Variants in TMED8 observed in about 807,000 individuals in gnomAD.
TMED8 encodes the protein transmembrane p24 trafficking protein family member 8, also known as protein TMED8.
In TMED8, 15 loss-of-function variants were observed where a neutral mutation model predicts 32.7. The ratio of observed to expected loss-of-function variants is 0.46; its 90% CI spans 0.31 to 0.71. The LOEUF (loss-of-function observed/expected upper bound fraction) is 0.71. TMED8 is among the 30% of genes least tolerant of loss of function. TMED8 has a pLI of 0.06. For synonymous variants in TMED8, 147 were observed against 161.4 expected (o/e 0.91, Z 0.68); for missense variants, 390 against 423.9 (o/e 0.92, Z 0.70).
intron 1 of TMED8, among the ~76,000 whole-genome samples, chr14:77,370,661 T>C (rs1406816106): frequency 1.3e-5 from 2 of 152,144 alleles, no homozygotes; most frequent in African/African-American, 2.4e-5. Context: ...TTTCCTCCCA[T>C]GTCAGTCCCT....
At chr14:77,354,857 G>A (rs1003035989) in intron 1 of TMED8, among the ~76,000 whole-genome samples, 1 of 152,066 alleles carries the variant, frequency 6.6e-6, no homozygotes, top group Non-Finnish European at 1.5e-5. Context: ...GGGAGGCTGA[G>A]GCAGGAGAAT....
At chr14:77,352,125 C>A (rs546195125) in intron 1 of TMED8, among the ~76,000 whole-genome samples, 1 of 151,614 alleles carries the variant, frequency 6.6e-6, no homozygotes, top group Admixed American at 6.6e-5. Flanking sequence ...CAGAGCAAGA[C>A]CCTGTCTCTA....
intron 1 of TMED8, among the ~76,000 whole-genome samples, chr14:77,364,559 A>G (rs2139630478): frequency 6.7e-6 from 1 of 150,178 alleles, no homozygotes; most frequent in East Asian, 2.0e-4. Context: ...ATGGAGTCTC[A>G]CTGTGTTGCC....
At position 77,364,524 on chromosome 14, in the gene TMED8, C is replaced by T. The variant is rs1893507465; in HGVS notation, c.118+12412G>A. On this transcript the variant is annotated intron_variant, in intron 1 of 5. Transcript: ENST00000216468. ...CCATCCATAGTGTTAGGATTACAGG[C>T]ATGAGCCATGATATTTTTTTTAAGA... 2.0e-5 allele frequency among the ~76,000 whole-genome samples: 3 copies of T among 151,968 alleles called. No individual in the cohort carries two copies. In the South Asian group the frequency reaches 6.2e-4, roughly 32 times the overall value.
intron 1 of TMED8, among the ~76,000 whole-genome samples, chr14:77,370,420 G>C (rs1257328623): frequency 6.6e-6 from 1 of 152,092 alleles, no homozygotes; most frequent in African/African-American, 2.4e-5. Context: ...TTCACTGAGA[G>C]AAAAAGGTCT....
At chr14:77,361,268 C>T (rs1893427838) in intron 1 of TMED8, among the ~76,000 whole-genome samples, 1 of 152,148 alleles carries the variant, frequency 6.6e-6, no homozygotes. Flanking sequence ...AGGCATGAGC[C>T]ACCACGCCCG....
intron 2 of TMED8, among the ~76,000 whole-genome samples, 182 bp downstream of exon 2, chr14:77,351,491 G>A (rs1447170871): frequency 7.7e-6 from 1 of 130,080 alleles, no homozygotes; most frequent in Non-Finnish European, 1.6e-5. Flanking sequence ...TCGATCTCCT[G>A]ACCTCGTGAT....
chr14:77,343,768 T>C lies in TMED8; in HGVS notation c.383A>G (p.Glu128Gly). The change falls in exon 4 of 6, where the codon GAA becomes GGA. Residue 128 changes from glutamate (E) to glycine (G), a missense_variant. Transcript: ENST00000216468. Reference protein sequence around the residue: ...RSGDIVMIQSEHTGAIDVLSA... With the variant: ...RSGDIVMIQSGHTGAIDVLSA... ...AAGAACATCTATAGCTCCTGTATGT[T>C]CAGACTGGATCATAACGATGTCCCC... 1 of 1,614,202 alleles carries C rather than the reference T, an allele frequency of 6.2e-7. No individual in the cohort carries two copies. Among genetic ancestry groups the C allele is most frequent in the Non-Finnish European group, 8.5e-7 (1 of 1,180,028 alleles).
At position 77,360,168 on chromosome 14, in the gene TMED8, T is replaced by C. The variant is rs189271027; in HGVS notation, c.119-8417A>G. Among the ~76,000 whole-genome samples, 702 of 152,340 alleles carry C rather than the reference T, an allele frequency of 4.6e-3. 6 individuals carry two copies. The highest frequency in any genetic ancestry group is 0.016 in the African/African-American group (679 of 41,578). On this transcript the variant is annotated intron_variant, in intron 1 of 5. Coordinates refer to ENST00000216468, the MANE Select transcript of TMED8 (RefSeq NM_213601.3). ...TCTTTTTGTGATGTTGAACATCTTTTTATATACCTGTTGGCCATTGTATGT... is the reference window on the plus strand; with the variant it reads ...TCTTTTTGTGATGTTGAACATCTTTCTATATACCTGTTGGCCATTGTATGT...
In TMED8 at chr14:77,340,392, AT is replaced by A. The variant is rs777878045; in HGVS notation, c.*1378del. The A allele has an allele frequency of 9.2e-5, 14 of 151,720 alleles. No individual in the cohort carries two copies. The highest frequency in any genetic ancestry group is 1.9e-4 in the East Asian group (1 of 5,204). The allele number at this position is 151,720 out of a possible 1,614,324, so 9.4% of individuals were successfully genotyped here. The stretch of plus-strand genomic sequence containing the variant: ...AGGCAAAATGAAATGTGCTAAAAAA[AT>A]AAATACAGTAATAAATAAATCTAAT... On this transcript the variant is annotated 3_prime_UTR_variant, in exon 6 of 6. Transcript: ENST00000216468.
In TMED8 at chr14:77,376,072, TC is replaced by T. The variant is rs1442067508; in HGVS notation, c.118+863del. On this transcript the variant is annotated intron_variant, in intron 1 of 5. Coordinates refer to ENST00000216468, the MANE Select transcript of TMED8 (RefSeq NM_213601.3). This position sits in a 1 kb window ranked among gnomAD's most constrained non-coding sequence, Gnocchi z 4.0. ...TGCTACTTAAATAAGACAAGTTCTC[TC>T]CCCTCTACCCTTTCGTATTTCAAAA... Among the ~76,000 whole-genome samples, 1 of 152,214 alleles carries T rather than the reference TC, an allele frequency of 6.6e-6. No individual in the cohort carries two copies. The highest frequency in any genetic ancestry group is 2.4e-5 in the African/African-American group (1 of 41,446).
intron 2 of TMED8, 112 bp from the exon 3 acceptor site, chr14:77,346,590 CT>C: frequency 1.4e-6 from 2 of 1,394,054 alleles, no homozygotes; most frequent in East Asian, 4.6e-5. Context: ...CCACCTGCCC[CT>C]GGCATTTATT....
rs1471767955 is a variant in TMED8, at chr14:77,339,795, C to G, written c.*1976G>C. The G allele has an allele frequency of 6.6e-6, 1 of 152,178 alleles. No homozygotes were observed. Among genetic ancestry groups the G allele is most frequent in the African/African-American group, 2.4e-5 (1 of 41,438 alleles). The allele number at this position is 152,178 out of a possible 1,614,324, so 9.4% of individuals were successfully genotyped here. A position where few individuals can be genotyped will look rare whatever the true frequency, so the allele number is the denominator to read the frequency against. ...AAAATAATGGAGGTATGATGCTGCT[C>G]AGAGAATGGGAATGCTCTGGCAGTC... On this transcript the variant is annotated 3_prime_UTR_variant, in exon 6 of 6. Transcript: ENST00000216468.
chr14:77,364,450 G>A (rs937461953), intron 1 of TMED8, among the ~76,000 whole-genome samples: 6 of 152,128 alleles, frequency 3.9e-5, no homozygotes, highest in South Asian at 2.1e-4. Context: ...TCCCTATGAC[G>A]CCCAGGCTGG....
In TMED8 at chr14:77,338,644, AAACTG is replaced by A. The variant is rs1450404855; in HGVS notation, c.*3122_*3126del. On this transcript the variant is annotated 3_prime_UTR_variant, in exon 6 of 6. Transcript: ENST00000216468. ...ACCTTCTGTCTCCCTCAAATGTATAAAACTGTAACCCGACTACCTCGGGCACATGT... is the reference window on the plus strand; with the variant it reads ...ACCTTCTGTCTCCCTCAAATGTATAATAACCCGACTACCTCGGGCACATGT... The A allele has an allele frequency of 1.3e-5, 2 of 152,206 alleles. No homozygotes were observed. Among genetic ancestry groups the A allele is most frequent in the Non-Finnish European group, 2.9e-5 (2 of 68,050 alleles). The allele number at this position is 152,206 out of a possible 1,614,324, so 9.4% of individuals were successfully genotyped here.
intron 1 of TMED8, among the ~76,000 whole-genome samples, chr14:77,355,265 A>G (rs35549669): frequency 0.72 from 108,438 of 150,384 alleles, 39,682 homozygotes; most frequent in African/African-American, 0.84. Context: ...GCATGATCTC[A>G]GCTCACTGCA....
At position 77,340,664 on chromosome 14, in the gene TMED8, G is replaced by A. The variant is rs561515537; in HGVS notation, c.*1107C>T. On this transcript the variant is annotated 3_prime_UTR_variant, in exon 6 of 6. Transcript: ENST00000216468. The stretch of plus-strand genomic sequence containing the variant: ...GAAATGCAAGCTTTGGTCAGGTAAA[G>A]AACAAATACAATCAGCAGCAATAGT... 1.3e-5 allele frequency: 2 copies of A among 152,304 alleles called. No homozygotes were observed. Among genetic ancestry groups the A allele is most frequent in the South Asian group, 2.1e-4 (1 of 4,832 alleles). 9.4% of individuals were successfully genotyped at this position (152,304 alleles called of 1,614,324 possible). A position where few individuals can be genotyped will look rare whatever the true frequency, so the allele number is the denominator to read the frequency against.
chr14:77,377,033 A>G lies in TMED8; in HGVS notation c.21T>C (p.Ala7=). The change falls in exon 1 of 6, where the codon GCT becomes GCC. Residue 7 remains alanine (A), a synonymous_variant. Coordinates refer to ENST00000216468, the MANE Select transcript of TMED8 (RefSeq NM_213601.3). ...TGGGGCTCCAGGAGCCCGGCCCCTCAGCCGCCTGCAGGTCAGACATCTGCA... is the reference window on the plus strand; with the variant it reads ...TGGGGCTCCAGGAGCCCGGCCCCTCGGCCGCCTGCAGGTCAGACATCTGCA... MSDLQA[A]EGPGSWSPTA... is the part of the protein sequence containing the mutation. The G allele has an allele frequency of 7.2e-7, 1 of 1,383,852 alleles. No individual in the cohort carries two copies. Among genetic ancestry groups the G allele is most frequent in the East Asian group, 3.0e-5 (1 of 32,958 alleles). The allele number at this position is 1,383,852 out of a possible 1,614,324, so 85.7% of individuals were successfully genotyped here.
intron 2 of TMED8, among the ~76,000 whole-genome samples, chr14:77,349,224 C>T (rs1893124363): frequency 6.8e-6 from 1 of 146,312 alleles, no homozygotes; most frequent in South Asian, 2.2e-4. Flanking sequence ...TCAAGCAATT[C>T]TCTTGCCTCA....
Sources: gnomAD v4.1 joint callset for allele counts (sites outside exome capture counted in the v4.1 genomes callset) on GRCh38, gnomAD v4.1.1 for gene constraint, Gnocchi (gnomAD v3.1) non-coding constraint, MANE v1.5 for transcripts, NCBI Gene and HGNC (gene_info 2026-07-23, HGNC 2026-07-21) for gene names.